The following RASEF variants were observed in gnomAD, a reference collection of about 807,000 sequenced individuals.
The protein encoded by RASEF is ras and EF-hand domain-containing protein.
Under a neutral mutation model 90.1 loss-of-function variants are expected in RASEF, and 68 were observed. The observed-to-expected ratio is 0.75, with a 90% CI of 0.62 to 0.92. The LOEUF (loss-of-function observed/expected upper bound fraction) is 0.92. Among genes scored for constraint, RASEF ranks in the 40% least tolerant of loss-of-function variants. The pLI, the probability that RASEF is intolerant of heterozygous loss-of-function variation, is 0.00. For synonymous variants in RASEF, 331 were observed against 345.2 expected, an observed-to-expected ratio of 0.96 and a Z score of 0.46; for missense variants, 949 against 937.2, an observed-to-expected ratio of 1.01 and a Z score of -0.16.
At chr9:83,019,016 G>A (rs10867928) in intron 3 of RASEF, among the ~76,000 whole-genome samples, 84,208 of 151,930 alleles carry the variant, frequency 0.55, 23,686 homozygotes, top group East Asian at 0.78. Flanking sequence ...AATGGATCCT[G>A]AATTTAACCT....
intron 1 of RASEF, among the ~76,000 whole-genome samples, chr9:83,037,844 C>A (rs535092640): frequency 1.7e-3 from 252 of 147,246 alleles, no homozygotes; most frequent in Non-Finnish European, 3.0e-3. Flanking sequence ...ACATTAGGAA[C>A]CATATAAAAG....
chr9:83,026,761 T>G (rs1186390934), intron 1 of RASEF, among the ~76,000 whole-genome samples: 6 of 152,210 alleles, frequency 3.9e-5, no homozygotes, highest in Non-Finnish European at 5.9e-5. Flanking sequence ...ATATTTGCAT[T>G]GATGTCAGTC....
chr9:83,083,382 G>A, the RASEF span, among the ~76,000 whole-genome samples: 1 of 151,910 alleles, frequency 6.6e-6, no homozygotes, highest in Non-Finnish European at 1.5e-5. Context: ...GTACACATTC[G>A]ACCATATTCT....
At chr9:82,997,412 A>G (rs1192118023) in intron 13 of RASEF, among the ~76,000 whole-genome samples, 1 of 152,186 alleles carries the variant, frequency 6.6e-6, no homozygotes, top group Non-Finnish European at 1.5e-5. Flanking sequence ...TTGAGAGCAC[A>G]GTTTCCAAAA....
At chr9:83,048,654 T>C in intron 1 of RASEF, 2 of 985,464 alleles carry the variant, frequency 2.0e-6, no homozygotes, top group Non-Finnish European at 2.4e-6. Context: ...GTTCCTTGTT[T>C]AGGATTGGGA....
chr9:83,086,668 G>C, the RASEF span, among the ~76,000 whole-genome samples: 7 of 152,138 alleles, frequency 4.6e-5, no homozygotes, highest in Non-Finnish European at 8.8e-5. Flanking sequence ...CACAGCGTTG[G>C]CAGCAAGCAA....
the RASEF span, among the ~76,000 whole-genome samples, chr9:83,078,727 A>G: frequency 6.6e-6 from 1 of 152,110 alleles, no homozygotes; most frequent in Non-Finnish European, 1.5e-5. Flanking sequence ...GAAGCTGCCA[A>G]TTAACTTATA....
chr9:83,027,423 G>A (rs1587505951), intron 1 of RASEF, among the ~76,000 whole-genome samples: 2 of 152,224 alleles, frequency 1.3e-5, no homozygotes, highest in African/African-American at 2.4e-5. Context: ...AGGTCTAGGG[G>A]TCCCCAGCTA....
At chr9:83,067,346 A>G (rs771170838), upstream of RASEF, among the ~76,000 whole-genome samples, 1 of 152,238 alleles carries the variant, frequency 6.6e-6, no homozygotes, top group Non-Finnish European at 1.5e-5. Context: ...TAAGGAAGCT[A>G]CAGGAAAAAG....
the RASEF span, among the ~76,000 whole-genome samples, chr9:83,185,505 T>C: frequency 6.6e-6 from 1 of 152,124 alleles, no homozygotes; most frequent in East Asian, 1.9e-4. Flanking sequence ...ATCAATTCTG[T>C]GCCTTCAGAA....
chr9:83,122,483 C>T, the RASEF span, among the ~76,000 whole-genome samples: 2 of 152,146 alleles, frequency 1.3e-5, no homozygotes, highest in African/African-American at 2.4e-5. Flanking sequence ...TAGTATATTT[C>T]TCTGTAGGCC....
At chr9:83,115,000 C>T in the RASEF span, among the ~76,000 whole-genome samples, 266 of 152,276 alleles carry the variant, frequency 1.7e-3, 1 homozygote, top group African/African-American at 5.5e-3. Flanking sequence ...GCTGGTTTTA[C>T]GGCTTGGGGG....
the RASEF span, among the ~76,000 whole-genome samples, chr9:83,113,800 T>TTA: frequency 2.0e-5 from 3 of 152,182 alleles, no homozygotes; most frequent in Admixed American, 2.0e-4. Flanking sequence ...GTTAAGATGT[T>TTA]TATCAAGACA....
chr9:83,166,935 A>G, the RASEF span, among the ~76,000 whole-genome samples: 3 of 152,186 alleles, frequency 2.0e-5, no homozygotes, highest in Non-Finnish European at 4.4e-5. Flanking sequence ...ACTTAAAGAA[A>G]GGGAATCTCT....
At chr9:83,049,402 C>A in intron 1 of RASEF, 1 of 894,414 alleles carries the variant, frequency 1.1e-6, no homozygotes, top group Non-Finnish European at 1.3e-6. Flanking sequence ...GAACACATTT[C>A]TATGATCAAA....
chr9:83,148,534 A>T, the RASEF span, among the ~76,000 whole-genome samples: 13 of 152,124 alleles, frequency 8.5e-5, no homozygotes, highest in African/African-American at 3.1e-4. Flanking sequence ...CATGGAACAG[A>T]TTCCCTCTCA....
chr9:83,076,438 A>G, the RASEF span, among the ~76,000 whole-genome samples: 1 of 152,148 alleles, frequency 6.6e-6, no homozygotes, highest in Non-Finnish European at 1.5e-5. Flanking sequence ...TAAGAAAAAA[A>G]AAAAGGTCAC....
chr9:83,136,876 GT>G, the RASEF span, among the ~76,000 whole-genome samples: 1 of 151,920 alleles, frequency 6.6e-6, no homozygotes, highest in Non-Finnish European at 1.5e-5. Context: ...AGTGCCTTGG[GT>G]TTTTTAATTA....
At chr9:83,090,933 T>C in the RASEF span, among the ~76,000 whole-genome samples, 1 of 152,086 alleles carries the variant, frequency 6.6e-6, no homozygotes, top group Non-Finnish European at 1.5e-5. Context: ...CTATATTATC[T>C]CTCACGTATG....
Sources: allele counts gnomAD v4.1 joint callset (sites outside exome capture counted in the v4.1 genomes callset), GRCh38; gene constraint gnomAD v4.1.1; transcripts MANE v1.5; gene names NCBI Gene and HGNC (gene_info 2026-07-23, HGNC 2026-07-21).